The following MYO5B variants were observed in gnomAD, a reference collection of about 807,000 sequenced individuals.
MYO5B encodes myosin VB.
MYO5B carries 143 observed loss-of-function variants against 229.3 expected under a neutral mutation model. That is an observed-to-expected ratio of 0.62 (90% CI 0.54 to 0.72). The LOEUF is 0.72. Among genes scored for constraint, MYO5B ranks in the 30% least tolerant of loss-of-function variants. MYO5B has a pLI of 0.00. For synonymous variants in MYO5B, 918 were observed against 885.2 expected (o/e 1.04, Z -0.66); for missense variants, 2,321 against 2,331.0 (o/e 1.00, Z 0.09).
At chr18:50,037,146 C>T (rs901875168) in intron 3 of MYO5B, 152 bp from the exon 4 acceptor site, 1 of 822,566 alleles carries the variant, frequency 1.2e-6, no homozygotes, top group Non-Finnish European at 2.0e-6. Flanking sequence ...TCAATCAAGG[C>T]TCATCTGTGT....
intron 1 of MYO5B, among the ~76,000 whole-genome samples, chr18:50,142,390 G>A (rs2032431362): frequency 6.6e-6 from 1 of 152,184 alleles, no homozygotes; most frequent in Non-Finnish European, 1.5e-5. Context: ...GTAAGGAAGT[G>A]CAATTCTACC....
Position 50,040,209 on chromosome 18 carries a change from C to T in MYO5B, c.244G>A (p.Glu82Lys). ...TTCAAATTATGCAAAACTGCAGGCT[C>T]ATGAAGATAGCTAAGGGCAGTCAGG... ...NDLTALSYLH[E>K]PAVLHNLKVR... Residue 82 changes from glutamate to lysine, a missense_variant, in exon 3 of 40, where the codon GAG becomes AAG. Around this residue, in one of 2 missense-constraint regions of MYO5B, gnomAD observed 2,113 missense variants for 2,044.7 expected, o/e 1.03. Coordinates refer to ENST00000285039, the MANE Select transcript of MYO5B (RefSeq NM_001080467.3). 7 of 1,614,078 alleles carry T rather than the reference C, an allele frequency of 4.3e-6. No homozygotes were observed. The highest frequency in any genetic ancestry group is 1.1e-5 in the South Asian group (1 of 91,076).
At chr18:49,835,884 C>T (rs900398179) in intron 38 of MYO5B, among the ~76,000 whole-genome samples, 3 of 152,208 alleles carry the variant, frequency 2.0e-5, no homozygotes, top group Non-Finnish European at 4.4e-5. Context: ...CTTTTGTCTG[C>T]CTACCACTGG....
At chr18:50,147,799 G>C (rs2032529095) in intron 1 of MYO5B, among the ~76,000 whole-genome samples, 1 of 152,044 alleles carries the variant, frequency 6.6e-6, no homozygotes. Context: ...TAAATATTAA[G>C]GAACCTGCTT....
At chr18:49,861,090 C>T (rs960490307) in intron 29 of MYO5B, among the ~76,000 whole-genome samples, 4 of 152,208 alleles carry the variant, frequency 2.6e-5, no homozygotes, top group African/African-American at 4.8e-5. Context: ...GCACACACTG[C>T]GAAGCTGGCT....
At chr18:50,035,655 G>A (rs1221210135) in intron 4 of MYO5B, among the ~76,000 whole-genome samples, 1 of 152,202 alleles carries the variant, frequency 6.6e-6, no homozygotes, top group Non-Finnish European at 1.5e-5. Context: ...GAGTTGCCAA[G>A]CTAAGGGACT....
At chr18:49,945,528 C>T (rs537039380) in intron 14 of MYO5B, among the ~76,000 whole-genome samples, 2 of 151,988 alleles carry the variant, frequency 1.3e-5, no homozygotes, top group African/African-American at 2.4e-5. Context: ...TGGATCACTA[C>T]AGTCACCGAA....
At chr18:49,877,698 C>A in intron 25 of MYO5B, 65 bp downstream of exon 25, 2 of 1,608,258 alleles carry the variant, frequency 1.2e-6, no homozygotes, top group Admixed American at 1.7e-5. Flanking sequence ...TTGGACAGTT[C>A]CACACAGAAA....
At chr18:49,945,064 G>A (rs1039756443) in intron 14 of MYO5B, among the ~76,000 whole-genome samples, 4 of 152,272 alleles carry the variant, frequency 2.6e-5, no homozygotes, top group Admixed American at 2.0e-4. Flanking sequence ...TAGCAGTTCT[G>A]CTTCCTCTAA....
At chr18:49,868,755 T>G (rs1228212588) in intron 27 of MYO5B, among the ~76,000 whole-genome samples, 8 of 152,196 alleles carry the variant, frequency 5.3e-5, no homozygotes, top group Admixed American at 3.9e-4. Flanking sequence ...GAGACCCATC[T>G]TCCATCCACC....
chr18:49,996,628 G>T (rs1005231970), intron 5 of MYO5B, among the ~76,000 whole-genome samples: 1 of 152,160 alleles, frequency 6.6e-6, no homozygotes, highest in South Asian at 2.1e-4. Context: ...AATAAAAATG[G>T]ACTGAAATAA....
At chr18:49,982,764 T>G (rs1414736948) in intron 8 of MYO5B, among the ~76,000 whole-genome samples, 1 of 152,292 alleles carries the variant, frequency 6.6e-6, no homozygotes, top group East Asian at 1.9e-4. Flanking sequence ...CTAAAAAAAT[T>G]TACTATTTTG....
intron 1 of MYO5B, among the ~76,000 whole-genome samples, chr18:50,068,538 T>G (rs1426069360): frequency 6.6e-6 from 1 of 152,178 alleles, no homozygotes. Flanking sequence ...CAGTCCCACC[T>G]TAAGTAAACT....
chr18:50,149,050 A>C (rs1321841954), intron 1 of MYO5B, among the ~76,000 whole-genome samples: 1 of 151,946 alleles, frequency 6.6e-6, no homozygotes, highest in Non-Finnish European at 1.5e-5. Flanking sequence ...ACAGACAAAC[A>C]GAGAGCCAAA....
chr18:49,922,949 G>A (rs1486414775), intron 17 of MYO5B, among the ~76,000 whole-genome samples: 3 of 152,184 alleles, frequency 2.0e-5, no homozygotes, highest in Non-Finnish European at 4.4e-5. Context: ...AACAGTAGGA[G>A]AATCCATTTT....
chr18:50,175,205 G>A (rs1374895301), intron 1 of MYO5B, among the ~76,000 whole-genome samples: 2 of 152,230 alleles, frequency 1.3e-5, no homozygotes, highest in African/African-American at 4.8e-5. Flanking sequence ...CCAGGTGGCA[G>A]ACGCCACACC....
chr18:49,949,140 G>T (rs930155394), intron 14 of MYO5B, among the ~76,000 whole-genome samples: 1 of 152,078 alleles, frequency 6.6e-6, no homozygotes, highest in Non-Finnish European at 1.5e-5. Context: ...CAGAAATACT[G>T]CCCAGTACAC....
chr18:50,151,656 G>C (rs983138902), intron 1 of MYO5B, among the ~76,000 whole-genome samples: 2 of 152,030 alleles, frequency 1.3e-5, no homozygotes, highest in Non-Finnish European at 2.9e-5. Flanking sequence ...TCTAGAAAAA[G>C]TATATATATA....
At chr18:50,028,622 A>G (rs1189483578) in intron 4 of MYO5B, among the ~76,000 whole-genome samples, 1 of 152,236 alleles carries the variant, frequency 6.6e-6, no homozygotes, top group East Asian at 1.9e-4. Flanking sequence ...GAGACTCAGT[A>G]AACTGCTGTG....
Sources: gnomAD v4.1 joint callset for allele counts (sites outside exome capture counted in the v4.1 genomes callset) on GRCh38, gnomAD v4.1.1 for gene constraint, gnomAD v4.1.1 regional missense constraint, MANE v1.5 for transcripts, NCBI Gene and HGNC (gene_info 2026-07-23, HGNC 2026-07-21) for gene names.